CA1: variants seen among roughly 807,000 people sequenced by gnomAD.
CA1 encodes the protein carbonic anhydrase 1.
CA1 carries 27 observed loss-of-function variants against 28.8 expected under a neutral mutation model. The ratio of observed to expected loss-of-function variants is 0.94; its 90% CI spans 0.69 to 1.29. The LOEUF is 1.29. Ranked by LOEUF, CA1 falls within the 50% of genes most tolerant of loss-of-function variation. The pLI is 0.00. For missense variants in CA1, 335 were observed against 310.5 expected (o/e 1.08, Z -0.59); for synonymous variants, 121 against 108.8 (o/e 1.11, Z -0.70).
At chr8:85,375,871 G>A (rs770729394) in intron 1 of CA1, among the ~76,000 whole-genome samples, 3 of 152,184 alleles carry the variant, frequency 2.0e-5, no homozygotes, top group Non-Finnish European at 4.4e-5. Context: ...TGTTAATCAC[G>A]TAGGGAATGG....
intron 1 of CA1, among the ~76,000 whole-genome samples, chr8:85,345,614 T>A (rs1398323620): frequency 6.6e-6 from 1 of 152,158 alleles, no homozygotes; most frequent in Admixed American, 6.5e-5. Context: ...TTTAAACTAT[T>A]GTATATTTTT....
intron 1 of CA1, among the ~76,000 whole-genome samples, chr8:85,354,561 C>T (rs569876221): frequency 1.2e-4 from 18 of 152,154 alleles, no homozygotes; most frequent in South Asian, 2.1e-4. Flanking sequence ...AGAACAAGGA[C>T]GACTTTTACA....
intron 1 of CA1, among the ~76,000 whole-genome samples, chr8:85,364,107 C>G (rs1175297593): frequency 7.2e-5 from 11 of 152,092 alleles, no homozygotes; most frequent in Non-Finnish European, 1.6e-4. Context: ...TCCCAAAATG[C>G]TGGAGTTACA....
intron 1 of CA1, among the ~76,000 whole-genome samples, chr8:85,370,223 GTACTGTTTT>G (rs1193859602): frequency 1.3e-5 from 2 of 152,104 alleles, no homozygotes; most frequent in Non-Finnish European, 2.9e-5. Context: ...ATGTTTATTT[GTACTGTTTT>G]TCCTTCACTT....
At chr8:85,332,615 A>G in intron 5 of CA1, 63 bp from the exon 6 acceptor site, 1 of 1,269,258 alleles carries the variant, frequency 7.9e-7, no homozygotes, top group South Asian at 1.2e-5. Context: ...CTGCTTAGCT[A>G]AATTTTGAAT....
chr8:85,364,053 C>T (rs185428838), intron 1 of CA1, among the ~76,000 whole-genome samples: 16 of 152,024 alleles, frequency 1.1e-4, no homozygotes, highest in Admixed American at 9.2e-4. Context: ...GTTGCCCAGG[C>T]TGGTCTTGAG....
intron 1 of CA1, among the ~76,000 whole-genome samples, chr8:85,359,629 C>G (rs977542035): frequency 6.6e-6 from 1 of 152,184 alleles, no homozygotes; most frequent in Non-Finnish European, 1.5e-5. Context: ...TGAGACAGGA[C>G]AGGGCAGCTG....
chr8:85,347,175 T>C (rs963046671), intron 1 of CA1, among the ~76,000 whole-genome samples: 1 of 152,206 alleles, frequency 6.6e-6, no homozygotes, highest in African/African-American at 2.4e-5. Context: ...ATTTCTAAAA[T>C]ACATTTGTAA....
intron 1 of CA1, among the ~76,000 whole-genome samples, chr8:85,359,667 G>A (rs955620050): frequency 3.3e-5 from 5 of 152,150 alleles, no homozygotes; most frequent in African/African-American, 9.7e-5. Context: ...TTTCATAAAC[G>A]GTTATTTTCT....
intron 1 of CA1, among the ~76,000 whole-genome samples, chr8:85,372,503 T>C (rs1191775057): frequency 6.7e-6 from 1 of 149,648 alleles, no homozygotes; most frequent in Non-Finnish European, 1.5e-5. Flanking sequence ...CAGGGGATTC[T>C]ACAGATATTT....
At chr8:85,329,976 A>T (rs1385528625) in intron 6 of CA1, 132 bp from the exon 7 acceptor site, 1 of 759,612 alleles carries the variant, frequency 1.3e-6, no homozygotes, top group African/African-American at 1.7e-5. Context: ...TTTTTCTACT[A>T]TTTAGTATTT....
chr8:85,367,746 C>A (rs1810064682), intron 1 of CA1, among the ~76,000 whole-genome samples: 1 of 152,094 alleles, frequency 6.6e-6, no homozygotes, highest in Non-Finnish European at 1.5e-5. Context: ...TCCTTGTATA[C>A]CCTTTGTCAG....
intron 4 of CA1, among the ~76,000 whole-genome samples, chr8:85,334,768 G>A (rs1440840183): frequency 1.3e-5 from 2 of 151,964 alleles, no homozygotes; most frequent in African/African-American, 4.8e-5. Context: ...CGAGGCGGGC[G>A]GATCACGAGG....
chr8:85,367,081 CAG>C (rs1810035324), intron 1 of CA1, among the ~76,000 whole-genome samples: 1 of 151,704 alleles, frequency 6.6e-6, no homozygotes, highest in Non-Finnish European at 1.5e-5. Context: ...TGAAGAATTT[CAG>C]AGACAGATTA....
chr8:85,362,233 T>A (rs895500010), intron 1 of CA1, among the ~76,000 whole-genome samples: 9 of 152,200 alleles, frequency 5.9e-5, no homozygotes, highest in African/African-American at 2.4e-5. Flanking sequence ...CTCCTTCTTA[T>A]AAGAATCTTT....
chr8:85,371,147 A>G (rs1226321953), intron 1 of CA1, among the ~76,000 whole-genome samples: 2 of 151,916 alleles, frequency 1.3e-5, no homozygotes, highest in Non-Finnish European at 2.9e-5. Flanking sequence ...AACTCCAATG[A>G]CTCTTCATCC....
chr8:85,353,874 A>G (rs868799734), intron 1 of CA1, among the ~76,000 whole-genome samples: 26 of 152,342 alleles, frequency 1.7e-4, no homozygotes, highest in South Asian at 4.1e-4. Flanking sequence ...TTGTAAATAA[A>G]TACATAGATT....
chr8:85,374,575 G>A (rs1810342152), intron 1 of CA1, among the ~76,000 whole-genome samples: 2 of 152,184 alleles, frequency 1.3e-5, no homozygotes, highest in African/African-American at 4.8e-5. Flanking sequence ...ATTCCTGAGA[G>A]AACCTGTCTT....
chr8:85,358,332 C>G (rs553031453), intron 1 of CA1, among the ~76,000 whole-genome samples: 4 of 152,290 alleles, frequency 2.6e-5, no homozygotes, highest in African/African-American at 9.6e-5. Context: ...ATTTCACTCT[C>G]CACTTTGGCC....
Sources: gnomAD v4.1 joint callset for allele counts (sites outside exome capture counted in the v4.1 genomes callset) on GRCh38, gnomAD v4.1.1 for gene constraint, MANE v1.5 for transcripts, NCBI Gene and HGNC (gene_info 2026-07-23, HGNC 2026-07-21) for gene names.